The following PPP1R1B variants were observed in gnomAD, a reference collection of about 807,000 sequenced individuals.
PPP1R1B encodes protein phosphatase 1 regulatory inhibitor subunit 1B.
Under a neutral mutation model 28.2 loss-of-function variants are expected in PPP1R1B, and 13 were observed. That is an observed-to-expected ratio of 0.46 (90% CI 0.30 to 0.73). The LOEUF (loss-of-function observed/expected upper bound fraction) is 0.73, where lower values mean the gene tolerates loss of function less well. Ranked by LOEUF, PPP1R1B falls within the 30% of genes least tolerant of loss-of-function variation. The pLI, the probability that PPP1R1B is intolerant of heterozygous loss-of-function variation, is 0.07. For missense variants in PPP1R1B, 236 were observed against 256.7 expected, an observed-to-expected ratio of 0.92 and a Z score of 0.55; for synonymous variants, 102 against 97.5, an observed-to-expected ratio of 1.05 and a Z score of -0.27.
At chr17:39,634,628 G>C (rs2056903303) in intron 5 of PPP1R1B, among the ~76,000 whole-genome samples, 1 of 152,172 alleles carries the variant, frequency 6.6e-6, no homozygotes, top group Admixed American at 6.5e-5. Context: ...TCAAGAACCA[G>C]CCCGGCCCAT....
At chr17:39,634,176 C>T (rs1166685797) in intron 5 of PPP1R1B, 90 bp downstream of exon 5, 28 of 1,530,750 alleles carry the variant, frequency 1.8e-5, no homozygotes, top group South Asian at 4.6e-5. Flanking sequence ...GTCTCATACA[C>T]GCAAACTGTA....
At chr17:39,633,697 C>A in intron 4 of PPP1R1B, 186 bp from the exon 5 acceptor site, 2 of 941,058 alleles carry the variant, frequency 2.1e-6, no homozygotes, top group Non-Finnish European at 3.1e-6. Context: ...CCCCTGGCTG[C>A]CTCTGCCCTG....
At position 39,629,816 on chromosome 17, in the gene PPP1R1B, C is replaced by G. The variant is rs2056863097; in HGVS notation, c.166-156C>G. 3.3e-6 allele frequency: 3 copies of G among 908,174 alleles called. No homozygotes were observed. The Admixed American group carries it at 6.7e-5, about 20-fold the overall frequency. The allele number at this position is 908,174 out of a possible 1,614,324, so 56.3% of individuals were successfully genotyped here. On this transcript the variant is annotated intron_variant, in intron 3 of 6. Transcript: ENST00000254079. ...GGCCATGGCTTATGGGGGGCCCCCC[C>G]TAAAGCCACAGGGTGGGGAGGCTCA...
rs1407262195 is a variant in PPP1R1B, at chr17:39,627,168, G to T, written c.-225G>T. 2.1e-6 allele frequency: 1 copy of T among 477,554 alleles called. No individual in the cohort carries two copies. Among genetic ancestry groups the T allele is most frequent in the Non-Finnish European group, 3.7e-6 (1 of 272,506 alleles). 29.6% of individuals were successfully genotyped at this position (477,554 alleles called of 1,614,324 possible). On this transcript the variant is annotated 5_prime_UTR_variant, in exon 1 of 7. Transcript: ENST00000254079. ...AGACCTGGCTCAGCGAGCGCGGGGG[G>T]CGAGCCCCGAGTCCCGAGAGCCTGG...
chr17:39,629,070 G>T (rs1242535768), intron 1 of PPP1R1B, 100 bp from the exon 2 acceptor site: 1 of 1,098,372 alleles, frequency 9.1e-7, no homozygotes. Flanking sequence ...TTGATTCAAA[G>T]GTTCCCTGGG....
Position 39,635,838 on chromosome 17 carries a change from C to A in PPP1R1B, c.588C>A (p.Arg196=). 6.2e-7 allele frequency: 1 copy of A among 1,613,620 alleles called. No individual in the cohort carries two copies. The highest frequency in any genetic ancestry group is 1.3e-5 in the African/African-American group (1 of 75,014). The stretch of plus-strand genomic sequence containing the variant: ...CAGAGCCTGGGGAGGAACCTCAGCG[C>A]CCTTCCCCCTCTGAGCCTGGCACAT... ...ALSEPGEEPQ[R]PSPSEPGT is the part of the protein sequence containing the mutation. The change falls in exon 7 of 7, where the codon CGC becomes CGA. Residue 196 remains arginine (R), a synonymous_variant. Transcript: ENST00000254079.
intron 3 of PPP1R1B, 32 bp from the exon 4 acceptor site, chr17:39,629,940 G>C: frequency 6.2e-7 from 1 of 1,607,672 alleles, no homozygotes; most frequent in South Asian, 1.1e-5. Context: ...GGCCTCTGCT[G>C]AGCCCCTTTA....
rs1567846541 is a variant in PPP1R1B, at chr17:39,627,253, C to T, written c.-140C>T. On this transcript the variant is annotated 5_prime_UTR_variant, in exon 1 of 7. Coordinates refer to ENST00000254079, the MANE Select transcript of PPP1R1B (RefSeq NM_032192.4). ...GCTCCCGCGCCCTCCCCTCGGCGGGCACGGTATTTTTATCCGTGCGCGAAC... is the reference window on the plus strand; with the variant it reads ...GCTCCCGCGCCCTCCCCTCGGCGGGTACGGTATTTTTATCCGTGCGCGAAC... 1.7e-6 allele frequency: 1 copy of T among 577,198 alleles called. No individual in the cohort carries two copies. Among genetic ancestry groups the T allele is most frequent in the Non-Finnish European group, 2.8e-6 (1 of 354,476 alleles). 35.8% of individuals were successfully genotyped at this position (577,198 alleles called of 1,614,324 possible).
In PPP1R1B at chr17:39,630,088, C is replaced by G. The variant is rs769033352; in HGVS notation, c.241+41C>G. 34 of 1,575,792 alleles carry G rather than the reference C, an allele frequency of 2.2e-5. No individual in the cohort carries two copies. The East Asian group carries it at 6.5e-4, about 30-fold the overall frequency. On this transcript the variant is annotated intron_variant, in intron 4 of 6. Coordinates refer to ENST00000254079, the MANE Select transcript of PPP1R1B (RefSeq NM_032192.4). ...CGACCTTCCTGGCTGTCCGCCTGAT[C>G]CCTGGAACTGGGCAGACGCTAGGGG...
chr17:39,628,857 A>C (rs1202167031), intron 1 of PPP1R1B, among the ~76,000 whole-genome samples: 1 of 152,282 alleles, frequency 6.6e-6, no homozygotes, highest in African/African-American at 2.4e-5. Flanking sequence ...AGAAGATAGG[A>C]AGGGAGATGT....
chr17:39,629,412 G>C (rs866980993), intron 2 of PPP1R1B, 128 bp from the exon 3 acceptor site: 2 of 1,362,056 alleles, frequency 1.5e-6, no homozygotes, highest in Non-Finnish European at 2.1e-6. Flanking sequence ...AGGAGGGAGA[G>C]GGCACACTTT....
chr17:39,635,971 GCTGCGGCTTCTGACTTCTA>G lies in PPP1R1B; in HGVS notation c.*107_*125del. The G allele has an allele frequency of 3.9e-6, 5 of 1,293,086 alleles. No homozygotes were observed. Among genetic ancestry groups the G allele is most frequent in the Non-Finnish European group, 4.3e-6 (4 of 928,014 alleles). 80.1% of individuals were successfully genotyped at this position (1,293,086 alleles called of 1,614,324 possible). A position where few individuals can be genotyped will look rare whatever the true frequency, so the allele number is the denominator to read the frequency against. ...TGTGCTCTTCCCCTCGCCTGCTAGG[GCTGCGGCTTCTGACTTCTA>G]GAAGACTAAGGCTGGTCTGTGTTTG... On this transcript the variant is annotated 3_prime_UTR_variant, in exon 7 of 7. Coordinates refer to ENST00000254079, the MANE Select transcript of PPP1R1B (RefSeq NM_032192.4).
In PPP1R1B at chr17:39,628,737, G is replaced by T. The variant is rs2271309; in HGVS notation, c.82-433G>T. 10 of 994,800 alleles carry T rather than the reference G, an allele frequency of 1.0e-5. No homozygotes were observed. The South Asian group carries it at 3.5e-4, about 35-fold the overall frequency. The allele number at this position is 994,800 out of a possible 1,614,324, so 61.6% of individuals were successfully genotyped here. On this transcript the variant is annotated intron_variant, in intron 1 of 6. Coordinates refer to ENST00000254079, the MANE Select transcript of PPP1R1B (RefSeq NM_032192.4). ...CAGGGCCACATGGGTGCCATGGCCC[G>T]TGGGGCATCTTCCCCAGAGGGCCCA...
rs1432016258 is a variant in PPP1R1B at position 39,636,565 on chromosome 17, C to T, written c.*700C>T. On this transcript the variant is annotated 3_prime_UTR_variant, in exon 7 of 7. Coordinates refer to ENST00000254079, the MANE Select transcript of PPP1R1B (RefSeq NM_032192.4). ...TCCCCCAGCTGCTCTGCCCCTTTCCCCTTCTTCCCTGACTCCAGGCCTGAA... is the reference window on the plus strand; with the variant it reads ...TCCCCCAGCTGCTCTGCCCCTTTCCTCTTCTTCCCTGACTCCAGGCCTGAA... 2 of 152,772 alleles carry T rather than the reference C, an allele frequency of 1.3e-5. No homozygotes were observed. Among genetic ancestry groups the T allele is most frequent in the Non-Finnish European group, 2.9e-5 (2 of 68,080 alleles). The allele number at this position is 152,772 out of a possible 1,614,324, so 9.5% of individuals were successfully genotyped here.
chr17:39,634,387 T>G (rs547587347), intron 5 of PPP1R1B, among the ~76,000 whole-genome samples: 6 of 152,356 alleles, frequency 3.9e-5, no homozygotes, highest in African/African-American at 9.6e-5. Context: ...TTCCCACCTA[T>G]GGCAGTAAGG....
Position 39,633,847 on chromosome 17 carries a change from G to A in PPP1R1B, c.242-36G>A, listed in dbSNP as rs748430829. 1.2e-5 allele frequency: 20 copies of A among 1,610,976 alleles called. No homozygotes were observed. The South Asian group carries it at 2.1e-4, about 17-fold the overall frequency. Reference sequence around the variant, plus strand: ...TCTCCAGATCCATGGGCTGTGTCTAGCTGACCCTTGCTTTCCTCGGTCTCC... The same window carrying A: ...TCTCCAGATCCATGGGCTGTGTCTAACTGACCCTTGCTTTCCTCGGTCTCC... On this transcript the variant is annotated intron_variant, in intron 4 of 6. Transcript: ENST00000254079.
intron 1 of PPP1R1B, 114 bp downstream of exon 1, chr17:39,627,587 A>G: frequency 1.5e-6 from 1 of 664,486 alleles, no homozygotes; most frequent in Non-Finnish European, 2.4e-6. Flanking sequence ...GCGCAAGGAG[A>G]GCCGGGCTCT....
chr17:39,629,940 G>T (rs770322891), intron 3 of PPP1R1B, 32 bp from the exon 4 acceptor site: 2 of 1,607,672 alleles, frequency 1.2e-6, no homozygotes, highest in Non-Finnish European at 1.7e-6. Flanking sequence ...GGCCTCTGCT[G>T]AGCCCCTTTA....
At chr17:39,633,607 C>G (rs1362958037) in intron 4 of PPP1R1B, 1 of 397,210 alleles carries the variant, frequency 2.5e-6, no homozygotes. Context: ...TCTTGCCCAG[C>G]CTAGTGCCCT....
Sources: gnomAD v4.1 joint callset for allele counts (sites outside exome capture counted in the v4.1 genomes callset) on GRCh38, gnomAD v4.1.1 for gene constraint, MANE v1.5 for transcripts, NCBI Gene and HGNC (gene_info 2026-07-23, HGNC 2026-07-21) for gene names.